KAZN: variants seen among roughly 807,000 people sequenced by gnomAD.
KAZN encodes kazrin.
KAZN carries 40 observed loss-of-function variants against 87.4 expected under a neutral mutation model. That is an observed-to-expected ratio of 0.46 (90% confidence interval 0.36 to 0.60). The LOEUF is 0.60. Ranked by LOEUF, KAZN falls within the 20% of genes least tolerant of loss-of-function variation. The pLI is 0.00. For synonymous variants in KAZN, 466 were observed against 458.3 expected (o/e 1.02, Z -0.22); for missense variants, 898 against 1,073.9 (o/e 0.84, Z 2.29).
chr1:14,412,518 A>T (rs1466603833), intron 2 of KAZN, among the ~76,000 whole-genome samples: 4 of 152,194 alleles, frequency 2.6e-5, no homozygotes, highest in Non-Finnish European at 5.9e-5. Context: ...GTAGTTCTAA[A>T]AAGATACTAT....
At chr1:14,639,096 G>T (rs746420786) in intron 1 of KAZN, among the ~76,000 whole-genome samples, 3 of 152,014 alleles carry the variant, frequency 2.0e-5, no homozygotes, top group Non-Finnish European at 4.4e-5. Context: ...CTTTTCTTCC[G>T]TGCACCCTTG....
intron 1 of KAZN, among the ~76,000 whole-genome samples, chr1:14,794,919 A>C (rs1026158194): frequency 2.6e-5 from 4 of 152,168 alleles, no homozygotes; most frequent in Non-Finnish European, 5.9e-5. Flanking sequence ...GAAGGACTAG[A>C]CTGGCTGAGT....
At chr1:13,912,807 G>T (rs916231257) in intron 1 of KAZN, among the ~76,000 whole-genome samples, 1 of 150,648 alleles carries the variant, frequency 6.6e-6, no homozygotes, top group African/African-American at 2.4e-5. Flanking sequence ...TGTTGGCTAG[G>T]CTGGTCTCGA....
chr1:14,534,987 C>G (rs1195568021), intron 2 of KAZN, among the ~76,000 whole-genome samples: 1 of 152,154 alleles, frequency 6.6e-6, no homozygotes, highest in Non-Finnish European at 1.5e-5. Flanking sequence ...CAACCCTACT[C>G]GTCAAACTAG....
At chr1:14,989,501 G>A (rs902012565) in intron 2 of KAZN, among the ~76,000 whole-genome samples, 1 of 152,124 alleles carries the variant, frequency 6.6e-6, no homozygotes, top group Non-Finnish European at 1.5e-5. Context: ...AAAAAGGACT[G>A]TCACTTGTCT....
intron 2 of KAZN, among the ~76,000 whole-genome samples, chr1:14,219,008 A>G (rs1021378793): frequency 5.9e-5 from 9 of 152,158 alleles, no homozygotes; most frequent in African/African-American, 2.2e-4. Context: ...CAAAAATTAA[A>G]CCCAATGATC....
chr1:15,027,134 T>C (rs935878324), intron 2 of KAZN, among the ~76,000 whole-genome samples: 1 of 122,898 alleles, frequency 8.1e-6, no homozygotes, highest in Non-Finnish European at 1.6e-5. Context: ...CAGGCTGGAG[T>C]GCAGTGGCGC....
chr1:13,941,071 A>T (rs1179682207), intron 1 of KAZN, among the ~76,000 whole-genome samples: 2 of 151,970 alleles, frequency 1.3e-5, no homozygotes, highest in African/African-American at 4.8e-5. Flanking sequence ...GCACATGCCT[A>T]TAATCCCAGC....
intron 2 of KAZN, among the ~76,000 whole-genome samples, chr1:14,324,626 G>A (rs1434773076): frequency 6.6e-6 from 1 of 152,132 alleles, no homozygotes; most frequent in Non-Finnish European, 1.5e-5. Flanking sequence ...GGCTTCAAGG[G>A]TGTTATGGAG....
At chr1:14,271,515 G>A (rs74057132) in intron 2 of KAZN, among the ~76,000 whole-genome samples, 5,796 of 152,132 alleles carry the variant, frequency 0.038, 363 homozygotes, top group African/African-American at 0.13. Context: ...CCGTCCAACC[G>A]GAAATCAAAA....
At chr1:14,222,882 T>C (rs1647137165) in intron 2 of KAZN, among the ~76,000 whole-genome samples, 1 of 152,224 alleles carries the variant, frequency 6.6e-6, no homozygotes, top group Non-Finnish European at 1.5e-5. Flanking sequence ...TTAGTATTTA[T>C]CATGCTCAAA....
Position 14,949,704 on chromosome 1 carries a change from G to A in KAZN, c.227-10980G>A, listed in dbSNP as rs913667042. 1.3e-4 allele frequency among the ~76,000 whole-genome samples: 20 copies of A among 152,206 alleles called. No homozygotes were observed. Among genetic ancestry groups the A allele is most frequent in the Non-Finnish European group, 2.2e-4 (15 of 68,040 alleles). On this transcript the variant is annotated intron_variant, in intron 1 of 14. Transcript: ENST00000376030. The surrounding 1 kb of genome is among the most constrained non-coding windows in gnomAD (Gnocchi z 4.3). ...AGGTGAAGTGGGGCTGGAGGTCTGC[G>A]ATTCCTTGACTTCCCCAGGACATCC... is the stretch of plus-strand genomic sequence containing the variant.
chr1:14,070,167 C>CAAA (rs61327562), intron 1 of KAZN, among the ~76,000 whole-genome samples: 1 of 72,916 alleles, frequency 1.4e-5, no homozygotes, highest in Non-Finnish European at 2.6e-5. Context: ...GACTCCATCT[C>CAAA]AAAAAAAAAA....
chr1:14,591,167 T>C (rs1676172133), intron 2 of KAZN, among the ~76,000 whole-genome samples: 2 of 144,982 alleles, frequency 1.4e-5, no homozygotes, highest in Admixed American at 1.4e-4. Context: ...GAAAATCAAA[T>C]AGTGCCCCCC....
At position 14,636,692 on chromosome 1, in the gene KAZN, C is replaced by T. The variant is rs183161323; in HGVS notation, c.226+37469C>T. Among the ~76,000 whole-genome samples the T allele has an allele frequency of 5.5e-4, 84 of 152,284 alleles. 2 individuals are homozygous for T. The highest frequency in any genetic ancestry group is 1.9e-3 in the African/African-American group (81 of 41,562). On this transcript the variant is annotated intron_variant, in intron 1 of 14. Transcript: ENST00000376030. Reference sequence around the variant, plus strand: ...GGCCACAAAAGAAGTGAGAGACGCTCGCTCCAAGTTGCAAGGAGGCGAGTT... The same window carrying T: ...GGCCACAAAAGAAGTGAGAGACGCTTGCTCCAAGTTGCAAGGAGGCGAGTT...
intron 13 of KAZN, among the ~76,000 whole-genome samples, chr1:15,107,337 A>C (rs181288207): frequency 1.3e-5 from 2 of 152,204 alleles, no homozygotes; most frequent in East Asian, 1.9e-4. Context: ...TTTTTAATAG[A>C]TCTCTGAGGG....
intron 2 of KAZN, among the ~76,000 whole-genome samples, chr1:14,434,869 A>G (rs12078377): frequency 0.026 from 4,012 of 152,034 alleles, 173 homozygotes; most frequent in African/African-American, 0.092. Flanking sequence ...AGAGGAAGTT[A>G]GTAAAAGGCA....
intron 2 of KAZN, among the ~76,000 whole-genome samples, chr1:14,198,031 T>TC (rs1213233557): frequency 8.5e-6 from 1 of 117,582 alleles, no homozygotes; most frequent in African/African-American, 3.2e-5. Context: ...AGTAACAGAG[T>TC]AGTAGTAGTA....
chr1:14,628,842 C>CTTTTT (rs67908811), intron 1 of KAZN, among the ~76,000 whole-genome samples: 1 of 126,830 alleles, frequency 7.9e-6, no homozygotes, highest in African/African-American at 3.0e-5. Context: ...CTTTCACATT[C>CTTTTT]TTTTTTTTTT....
Sources: allele counts gnomAD v4.1 joint callset (sites outside exome capture counted in the v4.1 genomes callset), GRCh38; gene constraint gnomAD v4.1.1; non-coding constraint Gnocchi (gnomAD v3.1); transcripts MANE v1.5; gene names NCBI Gene and HGNC (gene_info 2026-07-23, HGNC 2026-07-21).